C12orf50: variants seen among roughly 807,000 people sequenced by gnomAD.
C12orf50 encodes the protein uncharacterized protein C12orf50.
A neutral mutation model predicts 61.6 loss-of-function variants in C12orf50; 35 were observed. The ratio of observed to expected loss-of-function variants is 0.57; its 90% CI spans 0.43 to 0.75. The LOEUF (loss-of-function observed/expected upper bound fraction) is 0.75. Among genes scored for constraint, C12orf50 ranks in the 30% least tolerant of loss-of-function variants. C12orf50 has a pLI of 0.00. For synonymous variants in C12orf50, 178 were observed against 161.5 expected, an observed-to-expected ratio of 1.10 and a Z score of -0.77; for missense variants, 475 against 488.5, an observed-to-expected ratio of 0.97 and a Z score of 0.26.
At position 88,023,085 on chromosome 12, in the gene C12orf50, C is replaced by G. The variant is rs1319887420; in HGVS notation, c.133+3403G>C. ...GCAAAAAGTTCAAAAAGGGAGGCATCATGTTACCCAACTTCAAACTATACT... is the reference window on the plus strand; with the variant it reads ...GCAAAAAGTTCAAAAAGGGAGGCATGATGTTACCCAACTTCAAACTATACT... On this transcript the variant is annotated intron_variant, in intron 3 of 12. Transcript: ENST00000298699. Among the ~76,000 whole-genome samples the G allele has an allele frequency of 2.6e-5, 4 of 152,262 alleles. No individual in the cohort carries two copies. The East Asian group carries it at 5.8e-4, about 22-fold the overall frequency.
chr12:87,985,729 G>A, intron 11 of C12orf50, 121 bp downstream of exon 11: 1 of 907,812 alleles, frequency 1.1e-6, no homozygotes, highest in Admixed American at 2.0e-5. Context: ...TTTCTATGGT[G>A]GTGATGGCCA....
intron 3 of C12orf50, among the ~76,000 whole-genome samples, chr12:88,019,836 A>T (rs1592683196): frequency 6.6e-6 from 1 of 152,230 alleles, no homozygotes; most frequent in African/African-American, 2.4e-5. Context: ...CTAACAGTGA[A>T]CCTTTCAGAA....
chr12:88,008,143 T>G (rs1354157778), intron 3 of C12orf50, among the ~76,000 whole-genome samples: 2 of 152,088 alleles, frequency 1.3e-5, no homozygotes, highest in Admixed American at 1.3e-4. Context: ...GGGTTTGTTG[T>G]ACAAATTATT....
intron 3 of C12orf50, among the ~76,000 whole-genome samples, chr12:88,025,678 G>A (rs1010651446): frequency 3.9e-5 from 6 of 152,192 alleles, no homozygotes; most frequent in Non-Finnish European, 5.9e-5. Context: ...GGTGGAGGCT[G>A]CAATGAGCTG....
chr12:87,994,369 C>T (rs1392472554), intron 7 of C12orf50, among the ~76,000 whole-genome samples: 19 of 151,866 alleles, frequency 1.3e-4, no homozygotes, highest in Non-Finnish European at 7.4e-5. Context: ...CAGACACACA[C>T]ACACACACAT....
intron 8 of C12orf50, 77 bp downstream of exon 8, chr12:87,989,187 T>C (rs1442272631): frequency 1.9e-6 from 2 of 1,033,148 alleles, no homozygotes; most frequent in Non-Finnish European, 2.9e-6. Flanking sequence ...CCTCTATTGG[T>C]TTTTATAACA....
intron 3 of C12orf50, among the ~76,000 whole-genome samples, chr12:88,000,815 A>G (rs572296491): frequency 6.6e-6 from 1 of 151,692 alleles, no homozygotes; most frequent in Non-Finnish European, 1.5e-5. Flanking sequence ...GATTTTTCTC[A>G]TTTCACTTTC....
chr12:88,005,487 C>T (rs573852771), intron 3 of C12orf50, among the ~76,000 whole-genome samples: 1 of 152,270 alleles, frequency 6.6e-6, no homozygotes, highest in East Asian at 1.9e-4. Flanking sequence ...TGGTGTAATG[C>T]CCCATTGTTT....
intron 8 of C12orf50, among the ~76,000 whole-genome samples, chr12:87,988,431 T>C (rs554624070): frequency 8.5e-5 from 13 of 152,308 alleles, no homozygotes; most frequent in Middle Eastern, 3.4e-3. Flanking sequence ...CTCCTGTGAC[T>C]ATTGAGCGCA....
intron 3 of C12orf50, among the ~76,000 whole-genome samples, chr12:87,998,645 A>G (rs2031525258): frequency 6.6e-6 from 1 of 152,194 alleles, no homozygotes; most frequent in Admixed American, 6.6e-5. Context: ...CAAAATCCCA[A>G]TGGACTTATT....
intron 3 of C12orf50, among the ~76,000 whole-genome samples, chr12:88,008,430 G>A (rs2031974460): frequency 6.6e-6 from 1 of 152,114 alleles, no homozygotes; most frequent in African/African-American, 2.4e-5. Context: ...ATTCTATGGT[G>A]TATATGTATT....
chr12:87,990,765 A>G (rs1266478419), intron 7 of C12orf50, among the ~76,000 whole-genome samples: 2 of 152,136 alleles, frequency 1.3e-5, no homozygotes, highest in African/African-American at 4.8e-5. Context: ...GTCTGGGACT[A>G]TCTAATTGGT....
intron 4 of C12orf50, 139 bp from the exon 5 acceptor site, chr12:87,996,785 T>C (rs1261866518): frequency 3.2e-6 from 2 of 619,972 alleles, no homozygotes; most frequent in African/African-American, 3.7e-5. Context: ...TAATTTTACA[T>C]ACTAGTACAT....
At chr12:88,006,295 T>C (rs1441757935) in intron 3 of C12orf50, among the ~76,000 whole-genome samples, 1 of 152,198 alleles carries the variant, frequency 6.6e-6, no homozygotes, top group African/African-American at 2.4e-5. Flanking sequence ...AGTTTGCTGC[T>C]CTCATGGAGC....
At chr12:87,992,407 T>C (rs12371818) in intron 7 of C12orf50, among the ~76,000 whole-genome samples, 8 of 152,082 alleles carry the variant, frequency 5.3e-5, no homozygotes, top group Non-Finnish European at 8.8e-5. Flanking sequence ...ACTGTGTGTA[T>C]ATATATACTA....
chr12:88,018,699 A>C (rs1010424762), intron 3 of C12orf50, among the ~76,000 whole-genome samples: 29 of 152,220 alleles, frequency 1.9e-4, no homozygotes, highest in Non-Finnish European at 3.4e-4. Flanking sequence ...AGAGCAACCC[A>C]AGACCATGGG....
At position 88,027,289 on chromosome 12, in the gene C12orf50, C is replaced by A. The variant is rs1592691253; in HGVS notation, c.-108-219G>T. Among the ~76,000 whole-genome samples, 3 of 152,134 alleles carry A rather than the reference C, an allele frequency of 2.0e-5. No individual in the cohort carries two copies. The East Asian group carries it at 5.8e-4, about 29-fold the overall frequency. Reference sequence around the variant, plus strand: ...TCTAATGGTTACATAGTACAACATGCCACAAATCACTGATAAAATGCTACC... The same window carrying A: ...TCTAATGGTTACATAGTACAACATGACACAAATCACTGATAAAATGCTACC... On this transcript the variant is annotated intron_variant, in intron 1 of 12. Transcript: ENST00000298699.
intron 3 of C12orf50, among the ~76,000 whole-genome samples, chr12:88,003,872 C>T (rs896315669): frequency 1.3e-4 from 20 of 152,050 alleles, no homozygotes; most frequent in African/African-American, 4.8e-4. Flanking sequence ...GAATTTCAGC[C>T]ATTATTTTTT....
intron 3 of C12orf50, among the ~76,000 whole-genome samples, chr12:88,006,210 C>T (rs1197137861): frequency 6.6e-6 from 1 of 152,136 alleles, no homozygotes; most frequent in Non-Finnish European, 1.5e-5. Context: ...GCCACCGCGC[C>T]TGGCCCAAAA....
Sources: allele counts gnomAD v4.1 joint callset (sites outside exome capture counted in the v4.1 genomes callset), GRCh38; gene constraint gnomAD v4.1.1; transcripts MANE v1.5; gene names NCBI Gene and HGNC (gene_info 2026-07-23, HGNC 2026-07-21).